The following OVCH1 variants were observed in gnomAD, a reference collection of about 807,000 sequenced individuals.
The protein encoded by OVCH1 is ovochymase 1.
In OVCH1, 139 loss-of-function variants were observed where a neutral mutation model predicts 138.4. The observed-to-expected ratio is 1.00, with a 90% CI of 0.87 to 1.16. The LOEUF is 1.16. Among genes scored for constraint, OVCH1 ranks in the 50% most tolerant of loss-of-function variants. OVCH1 has a pLI of 0.00. For synonymous variants in OVCH1, 453 were observed against 467.8 expected, an observed-to-expected ratio of 0.97 and a Z score of 0.41; for missense variants, 1,367 against 1,357.9, an observed-to-expected ratio of 1.01 and a Z score of -0.11.
downstream of OVCH1, among the ~76,000 whole-genome samples, chr12:29,426,307 G>T (rs180678914): frequency 2.1e-3 from 323 of 152,290 alleles, 2 homozygotes; most frequent in Admixed American, 4.7e-3. Flanking sequence ...AGGAAGCAGA[G>T]AAATGGGATA....
At chr12:29,474,754 A>G (rs898187920) in intron 14 of OVCH1, among the ~76,000 whole-genome samples, 1 of 152,154 alleles carries the variant, frequency 6.6e-6, no homozygotes, top group Non-Finnish European at 1.5e-5. Flanking sequence ...GAGTCAGTCA[A>G]TCTCATTTCT....
At chr12:29,456,548 AAAC>A (rs758427464) in intron 19 of OVCH1, among the ~76,000 whole-genome samples, 10 of 152,242 alleles carry the variant, frequency 6.6e-5, no homozygotes, top group Non-Finnish European at 1.2e-4. Context: ...ATTTTGAAGA[AAAC>A]AAACAGTGGT....
chr12:29,460,882 C>G (rs1022697348), intron 19 of OVCH1, among the ~76,000 whole-genome samples: 8 of 152,130 alleles, frequency 5.3e-5, no homozygotes, highest in South Asian at 4.1e-4. Flanking sequence ...ATGCAAAATT[C>G]AAACAGAATT....
intron 7 of OVCH1, 64 bp downstream of exon 7, chr12:29,487,629 T>C: frequency 7.0e-7 from 1 of 1,427,250 alleles, no homozygotes; most frequent in Non-Finnish European, 9.5e-7. Flanking sequence ...TCTGATAATA[T>C]CGCAACATAG....
intron 16 of OVCH1, 88 bp downstream of exon 16, chr12:29,471,713 TG>T: frequency 7.5e-7 from 1 of 1,339,744 alleles, no homozygotes; most frequent in Non-Finnish European, 1.0e-6. Flanking sequence ...AGAATTAGTC[TG>T]GATGATCTTA....
the OVCH1 span, among the ~76,000 whole-genome samples, chr12:29,405,201 G>T: frequency 6.6e-6 from 1 of 151,908 alleles, no homozygotes; most frequent in African/African-American, 2.4e-5. Flanking sequence ...TGTTTTTAAG[G>T]TAACTTAACA....
Position 29,443,367 on chromosome 12 carries a change from AT to A in OVCH1, c.3150del (p.Lys1050AsnfsTer2). ...TTCATGGGAAATCAGTTACCTATTA[AT>A]TTTTTTCCTGGTCCAAATCCTTCGT... is the stretch of plus-strand genomic sequence containing the variant. On this transcript the variant is annotated frameshift_variant, in exon 25 of 28. Transcript: ENST00000318184. LOFTEE classifies it high-confidence loss of function. The A allele has an allele frequency of 2.5e-6, 4 of 1,609,562 alleles. No homozygotes were observed. Among genetic ancestry groups the A allele is most frequent in the Admixed American group, 3.4e-5 (2 of 59,296 alleles).
chr12:29,445,250 T>C, intron 23 of OVCH1, 28 bp downstream of exon 23: 1 of 1,580,870 alleles, frequency 6.3e-7, no homozygotes, highest in Non-Finnish European at 8.6e-7. Context: ...CTTTAGCCTT[T>C]ACAAGTTTAT....
intron 21 of OVCH1, among the ~76,000 whole-genome samples, chr12:29,454,538 C>G (rs183033365): frequency 4.6e-5 from 7 of 152,246 alleles, no homozygotes; most frequent in Admixed American, 4.6e-4. Flanking sequence ...AAGATACTTG[C>G]ATATAGAAGG....
intron 27 of OVCH1, among the ~76,000 whole-genome samples, chr12:29,432,353 A>G (rs1384862707): frequency 3.3e-5 from 5 of 152,234 alleles, no homozygotes; most frequent in African/African-American, 7.2e-5. Flanking sequence ...GTAGCATTCT[A>G]GCTCTATTTT....
At chr12:29,411,033 C>T (rs55715147), downstream of OVCH1, among the ~76,000 whole-genome samples, 79,221 of 143,634 alleles carry the variant, frequency 0.55, 24,008 homozygotes, top group Middle Eastern at 0.78. Flanking sequence ...CTAAACTTCC[C>T]GTCTCACTTC....
At chr12:29,474,213 A>G (rs1355993049) in intron 14 of OVCH1, among the ~76,000 whole-genome samples, 1 of 152,158 alleles carries the variant, frequency 6.6e-6, no homozygotes, top group African/African-American at 2.4e-5. Flanking sequence ...TACGTATAGA[A>G]TAAATTCTTT....
chr12:29,403,915 A>G, the OVCH1 span, among the ~76,000 whole-genome samples: 4 of 152,242 alleles, frequency 2.6e-5, no homozygotes, highest in Admixed American at 2.6e-4. Flanking sequence ...AATATACAGC[A>G]TACACATGGT....
At chr12:29,433,935 A>T (rs1282386048) in intron 26 of OVCH1, 5 of 635,070 alleles carry the variant, frequency 7.9e-6, no homozygotes, top group Non-Finnish European at 1.1e-5. Flanking sequence ...CTGGCTGATT[A>T]AAAAAAAATG....
chr12:29,464,799 C>T (rs1251970747), intron 17 of OVCH1, 97 bp from the exon 18 acceptor site: 1 of 1,065,768 alleles, frequency 9.4e-7, no homozygotes, highest in Non-Finnish European at 1.4e-6. Flanking sequence ...AATTTCTGCA[C>T]TTACATACAT....
chr12:29,445,550 T>C, intron 22 of OVCH1, 147 bp from the exon 23 acceptor site: 1 of 823,334 alleles, frequency 1.2e-6, no homozygotes, highest in Non-Finnish European at 1.8e-6. Flanking sequence ...AGAACATAAG[T>C]GACTCACTCA....
chr12:29,429,663 G>C (rs1218940755), intron 27 of OVCH1, among the ~76,000 whole-genome samples: 2 of 152,186 alleles, frequency 1.3e-5, no homozygotes, highest in Non-Finnish European at 2.9e-5. Flanking sequence ...TACTGTTGTG[G>C]AATAAAAAGT....
At chr12:29,460,541 C>T (rs73278736) in intron 19 of OVCH1, among the ~76,000 whole-genome samples, 135 of 152,116 alleles carry the variant, frequency 8.9e-4, no homozygotes, top group African/African-American at 3.2e-3. Context: ...CCTAAAGTAT[C>T]GGAAATGCTG....
intron 19 of OVCH1, among the ~76,000 whole-genome samples, chr12:29,459,578 G>C (rs918951141): frequency 2.0e-5 from 3 of 152,020 alleles, no homozygotes; most frequent in Non-Finnish European, 2.9e-5. Flanking sequence ...GCACAACAGG[G>C]TAACTACAGT....
Sources: allele counts gnomAD v4.1 joint callset (sites outside exome capture counted in the v4.1 genomes callset), GRCh38; gene constraint gnomAD v4.1.1; transcripts MANE v1.5; gene names NCBI Gene and HGNC (gene_info 2026-07-23, HGNC 2026-07-21).